TRPC5: variants seen among roughly 807,000 people sequenced by gnomAD.
TRPC5 encodes the protein transient receptor potential cation channel subfamily C member 5, also known as short transient receptor potential channel 5.
TRPC5 carries 9 observed loss-of-function variants against 56.5 expected under a neutral mutation model. The observed-to-expected ratio is 0.16, with a 90% CI of 0.10 to 0.28. TRPC5 has a LOEUF of 0.28. Among genes scored for constraint, TRPC5 ranks in the 10% least tolerant of loss-of-function variants. The probability of loss-of-function intolerance (pLI) is 1.00; values close to 1 mark genes in which losing one functional copy is unlikely to be tolerated. For missense variants in TRPC5, 469 were observed against 748.9 expected (o/e 0.63, Z 4.36); for synonymous variants, 282 against 278.5 (o/e 1.01, Z -0.13).
chrX:111,901,257 G>A lies in TRPC5; in HGVS notation c.900+11034C>T, dbSNP rs187508141. On this transcript the variant is annotated intron_variant, in intron 3 of 10. Coordinates refer to ENST00000262839, the MANE Select transcript of TRPC5 (RefSeq NM_012471.3). ...GGTGCTAATAATTGACAGACCCTGC[G>A]TGAGTGTATCCTTCCTCAAAAGAGA... Among the ~76,000 whole-genome samples, 6 of 111,368 alleles carry A rather than the reference G, an allele frequency of 5.4e-5. No individual in the cohort carries two copies. The Admixed American group carries it at 5.7e-4, about 11-fold the overall frequency.
intron 1 of TRPC5, among the ~76,000 whole-genome samples, chrX:112,016,511 G>T (rs1929128579): frequency 9.0e-6 from 1 of 111,318 alleles, no homozygotes; most frequent in African/African-American, 3.3e-5. Flanking sequence ...CCAGACAGGG[G>T]TGCTCAGAAA....
chrX:111,998,167 T>C (rs1232156899), intron 1 of TRPC5, among the ~76,000 whole-genome samples: 1 of 111,830 alleles, frequency 8.9e-6, no homozygotes, highest in East Asian at 2.8e-4. Flanking sequence ...TGACCTCAGT[T>C]TGAAATGCAG....
intron 3 of TRPC5, among the ~76,000 whole-genome samples, chrX:111,869,673 T>C (rs1923674894): frequency 8.9e-6 from 1 of 112,608 alleles, no homozygotes; most frequent in African/African-American, 3.2e-5. Context: ...GCAGATGTTA[T>C]AATTCTGTGT....
At chrX:111,869,027 C>T (rs939575449) in intron 3 of TRPC5, among the ~76,000 whole-genome samples, 3 of 111,751 alleles carry the variant, frequency 2.7e-5, no homozygotes, top group Non-Finnish European at 5.6e-5. Context: ...AGGAGAAAAA[C>T]GCCCAAAAGG....
chrX:111,944,303 T>TGTGTGTGTGAGA (rs1173179815), intron 2 of TRPC5, among the ~76,000 whole-genome samples: 3 of 61,387 alleles, frequency 4.9e-5, no homozygotes, highest in African/African-American at 3.2e-4. Flanking sequence ...TGTGTGTGTG[T>TGTGTGTGTGAGA]GAGAGAGAGA....
chrX:112,055,322 A>G (rs1378795981), intron 1 of TRPC5, among the ~76,000 whole-genome samples: 1 of 111,788 alleles, frequency 8.9e-6, no homozygotes, highest in Admixed American at 9.6e-5. Flanking sequence ...TACCAAGTCA[A>G]AACAGCACAA....
intron 1 of TRPC5, among the ~76,000 whole-genome samples, chrX:112,051,409 G>C (rs1390395875): frequency 9.0e-6 from 1 of 111,030 alleles, no homozygotes; most frequent in South Asian, 3.9e-4. Flanking sequence ...GCCTAATAAC[G>C]GTGTATCTTC....
intron 2 of TRPC5, among the ~76,000 whole-genome samples, chrX:111,937,976 G>A (rs1170400090): frequency 2.4e-5 from 2 of 82,561 alleles, no homozygotes; most frequent in Admixed American, 1.4e-4. Context: ...TCCTACCCAT[G>A]AGCATGGAAT....
intron 1 of TRPC5, among the ~76,000 whole-genome samples, chrX:111,961,000 C>T (rs760235479): frequency 2.7e-5 from 3 of 110,112 alleles, no homozygotes; most frequent in South Asian, 3.9e-4. Context: ...TTAGTGCAGA[C>T]GAGGTTTCAC....
intron 1 of TRPC5, among the ~76,000 whole-genome samples, chrX:112,063,952 C>T (rs904015011): frequency 9.0e-6 from 1 of 111,344 alleles, no homozygotes; most frequent in Admixed American, 9.5e-5. Flanking sequence ...CCACCACGTC[C>T]GGCCAAGTGC....
chrX:112,064,489 G>C (rs1328006123), intron 1 of TRPC5, among the ~76,000 whole-genome samples: 1 of 111,939 alleles, frequency 8.9e-6, no homozygotes, highest in Middle Eastern at 4.2e-3. Flanking sequence ...CCATAGAGCT[G>C]CTACCAATTG....
At chrX:111,984,283 G>T (rs1928155974) in intron 1 of TRPC5, among the ~76,000 whole-genome samples, 1 of 111,789 alleles carries the variant, frequency 8.9e-6, no homozygotes, top group African/African-American at 3.2e-5. Context: ...GTTCGGCTGG[G>T]TGATGTAGCT....
intron 1 of TRPC5, among the ~76,000 whole-genome samples, chrX:111,963,853 A>T (rs180914536): frequency 1.0e-3 from 114 of 111,670 alleles, no homozygotes; most frequent in African/African-American, 3.5e-3. Context: ...CCAAAAGAAG[A>T]TAAAACCACA....
chrX:112,001,423 G>T (rs189859622), intron 1 of TRPC5, among the ~76,000 whole-genome samples: 93 of 111,973 alleles, frequency 8.3e-4, no homozygotes, highest in Non-Finnish European at 1.7e-4. Context: ...AAAGTGCTTG[G>T]AACACAGGAA....
At chrX:111,821,271 G>A (rs936284120) in intron 7 of TRPC5, among the ~76,000 whole-genome samples, 4 of 111,542 alleles carry the variant, frequency 3.6e-5, no homozygotes, top group Admixed American at 9.5e-5. Context: ...ATACCCAGGG[G>A]GAAATTGGGA....
chrX:112,028,473 T>A (rs1489492363), intron 1 of TRPC5, among the ~76,000 whole-genome samples: 2 of 111,316 alleles, frequency 1.8e-5, no homozygotes, highest in Non-Finnish European at 3.8e-5. Flanking sequence ...CCCTGCCCTG[T>A]GTCCATGTGT....
In TRPC5 at chrX:111,976,250, T is replaced by C. The variant is rs187175599; in HGVS notation, c.-21-23809A>G. Among the ~76,000 whole-genome samples, 4 of 110,529 alleles carry C rather than the reference T, an allele frequency of 3.6e-5. No homozygotes were observed. The Admixed American group carries it at 3.9e-4, about 11-fold the overall frequency. ...CTAGCTTGGGCAATGTGGCAAAACCTTGTCTCTGTAAAAAATAGAAAAATT... is the reference window on the plus strand; with the variant it reads ...CTAGCTTGGGCAATGTGGCAAAACCCTGTCTCTGTAAAAAATAGAAAAATT... On this transcript the variant is annotated intron_variant, in intron 1 of 10. Transcript: ENST00000262839.
At chrX:112,080,820 T>C (rs181430295) in intron 1 of TRPC5, among the ~76,000 whole-genome samples, 10 of 112,143 alleles carry the variant, frequency 8.9e-5, no homozygotes, top group Admixed American at 3.8e-4. Flanking sequence ...TGCTGATATA[T>C]AAATCTGTCA....
Position 112,053,546 on chromosome X carries a change from A to G in TRPC5, c.-22+28333T>C, listed in dbSNP as rs566467899. 2.7e-5 allele frequency among the ~76,000 whole-genome samples: 3 copies of G among 111,524 alleles called. No individual in the cohort carries two copies. In the South Asian group the frequency reaches 1.1e-3, roughly 43 times the overall value. On this transcript the variant is annotated intron_variant, in intron 1 of 10. Transcript: ENST00000262839. ...ACTAATATTAGTGTCTCAAAAGCAC[A>G]TTTTTTACCCCATTATTGAGAGCTA... is the stretch of plus-strand genomic sequence containing the variant.
Sources: gnomAD v4.1 joint callset for allele counts (sites outside exome capture counted in the v4.1 genomes callset) on GRCh38, gnomAD v4.1.1 for gene constraint, MANE v1.5 for transcripts, NCBI Gene and HGNC (gene_info 2026-07-23, HGNC 2026-07-21) for gene names.